PEMT: variants seen among roughly 807,000 people sequenced by gnomAD.
PEMT encodes the protein phospholipid methyltransferase.
In PEMT, 23 loss-of-function variants were observed where a neutral mutation model predicts 27.4. That is an observed-to-expected ratio of 0.84 (90% CI 0.60 to 1.19). The LOEUF is 1.19. PEMT is among the 50% of genes most tolerant of loss of function. PEMT has a pLI of 0.00. For missense variants in PEMT, 307 were observed against 310.1 expected, an observed-to-expected ratio of 0.99 and a Z score of 0.07; for synonymous variants, 137 against 139.1, an observed-to-expected ratio of 0.98 and a Z score of 0.11.
intron 2 of PEMT, among the ~76,000 whole-genome samples, chr17:17,555,371 T>A (rs1310033658): frequency 6.6e-6 from 1 of 152,136 alleles, no homozygotes; most frequent in Admixed American, 6.5e-5. Context: ...CTGTCACAGC[T>A]CAGCCCGGCC....
At chr17:17,564,901 C>CA (rs2142706980) in intron 2 of PEMT, among the ~76,000 whole-genome samples, 1 of 152,308 alleles carries the variant, frequency 6.6e-6, no homozygotes, top group African/African-American at 2.4e-5. Flanking sequence ...GCACTGCACA[C>CA]ACCGGGTGGG....
intron 1 of PEMT, among the ~76,000 whole-genome samples, chr17:17,588,930 A>C (rs139364851): frequency 1.3e-5 from 2 of 152,196 alleles, no homozygotes; most frequent in Non-Finnish European, 2.9e-5. Flanking sequence ...TCCTCACCCT[A>C]ACTCCTCAGC....
intron 2 of PEMT, among the ~76,000 whole-genome samples, chr17:17,553,722 C>T (rs1909839688): frequency 6.6e-6 from 1 of 152,250 alleles, no homozygotes. Flanking sequence ...CCCGGCAGCA[C>T]TTGGCAGTCA....
chr17:17,547,624 T>TG (rs1339770455), intron 2 of PEMT, among the ~76,000 whole-genome samples: 2 of 152,174 alleles, frequency 1.3e-5, no homozygotes, highest in Non-Finnish European at 2.9e-5. Flanking sequence ...CCCCCAGCCC[T>TG]GCCTGTGTGT....
chr17:17,516,026 G>GCC (rs1906798322), intron 3 of PEMT, among the ~76,000 whole-genome samples: 1 of 152,132 alleles, frequency 6.6e-6, no homozygotes, highest in Admixed American at 6.5e-5. Context: ...CCAGGCCAGA[G>GCC]GCACACGGCC....
chr17:17,528,623 G>T (rs569375870), intron 2 of PEMT, among the ~76,000 whole-genome samples: 1 of 152,298 alleles, frequency 6.6e-6, no homozygotes, highest in Non-Finnish European at 1.5e-5. Flanking sequence ...TGAGTGAGAC[G>T]TCCCCGGGGC....
chr17:17,586,007 C>T (rs1912225975), intron 1 of PEMT, among the ~76,000 whole-genome samples: 1 of 148,874 alleles, frequency 6.7e-6, no homozygotes, highest in Admixed American at 6.8e-5. Flanking sequence ...GGCGTGAACC[C>T]GGGAGGTGGA....
chr17:17,560,111 C>T (rs1910366480), intron 2 of PEMT, among the ~76,000 whole-genome samples: 1 of 152,230 alleles, frequency 6.6e-6, no homozygotes, highest in Non-Finnish European at 1.5e-5. Flanking sequence ...TGCACAGCAC[C>T]CCATGTGCTG....
intron 2 of PEMT, among the ~76,000 whole-genome samples, chr17:17,571,385 C>T (rs1911183031): frequency 6.6e-6 from 1 of 151,890 alleles, no homozygotes; most frequent in African/African-American, 2.4e-5. Flanking sequence ...AAGAGAAGGC[C>T]GGGAAAGCCT....
At chr17:17,520,923 G>A (rs933618165) in intron 3 of PEMT, among the ~76,000 whole-genome samples, 13 of 152,394 alleles carry the variant, frequency 8.5e-5, no homozygotes, top group South Asian at 2.1e-4. Context: ...CCTGGCCACG[G>A]AGGGGGAAGG....
Position 17,505,611 on chromosome 17 carries a change from C to A in PEMT, c.*180G>T. 1 of 532,262 alleles carries A rather than the reference C, an allele frequency of 1.9e-6. No homozygotes were observed. 33.0% of individuals were successfully genotyped at this position (532,262 alleles called of 1,614,324 possible). A position where few individuals can be genotyped will look rare whatever the true frequency, so the allele number is the denominator to read the frequency against. Reference sequence around the variant, plus strand: ...GTGAATGGGAATGTGTGGGTTGGAGCTCAATGGCCATATGTCGGCACGTCC... The same window carrying A: ...GTGAATGGGAATGTGTGGGTTGGAGATCAATGGCCATATGTCGGCACGTCC... On this transcript the variant is annotated 3_prime_UTR_variant, in exon 7 of 7. Transcript: ENST00000255389.
chr17:17,572,596 C>G (rs1911283055), intron 2 of PEMT, among the ~76,000 whole-genome samples: 1 of 152,230 alleles, frequency 6.6e-6, no homozygotes, highest in African/African-American at 2.4e-5. Flanking sequence ...CCTTCCCTGA[C>G]CACCACCCCT....
intron 2 of PEMT, among the ~76,000 whole-genome samples, chr17:17,554,520 A>T (rs923999690): frequency 2.6e-5 from 4 of 152,246 alleles, no homozygotes; most frequent in Non-Finnish European, 5.9e-5. Context: ...GTGAGCTGCG[A>T]GCGGCACAGG....
At chr17:17,585,747 T>C (rs1355924092) in intron 1 of PEMT, among the ~76,000 whole-genome samples, 1 of 152,118 alleles carries the variant, frequency 6.6e-6, no homozygotes, top group Admixed American at 6.5e-5. Context: ...TTTAAGTTAT[T>C]AGTTTTTAAA....
At chr17:17,546,232 G>T (rs1909252290) in intron 2 of PEMT, among the ~76,000 whole-genome samples, 1 of 152,204 alleles carries the variant, frequency 6.6e-6, no homozygotes, top group Non-Finnish European at 1.5e-5. Flanking sequence ...GAGAAGAAAG[G>T]AGATGATGGC....
At position 17,561,650 on chromosome 17, in the gene PEMT, A is replaced by T. The variant is rs750651202; in HGVS notation, c.204+15270T>A. Among the ~76,000 whole-genome samples the T allele has an allele frequency of 6.6e-6, 1 of 152,164 alleles. No individual in the cohort carries two copies. The highest frequency in any genetic ancestry group is 1.5e-5 in the Non-Finnish European group (1 of 68,010). Reference sequence around the variant, plus strand: ...GCCTGGGTCACAGATGAGAATACCAAGGCTCGGAGAAGCCAGGAACCTTGC... The same window carrying T: ...GCCTGGGTCACAGATGAGAATACCATGGCTCGGAGAAGCCAGGAACCTTGC... On this transcript the variant is annotated intron_variant, in intron 2 of 6. Coordinates refer to ENST00000255389, the MANE Select transcript of PEMT (RefSeq NM_148172.3). This position sits in a 1 kb window ranked among gnomAD's most constrained non-coding sequence, Gnocchi z 4.5.
At chr17:17,545,858 C>T (rs1215003898) in intron 2 of PEMT, among the ~76,000 whole-genome samples, 1 of 152,174 alleles carries the variant, frequency 6.6e-6, no homozygotes, top group Non-Finnish European at 1.5e-5. Flanking sequence ...GGTTCGTCCT[C>T]TCTACTTTTC....
In PEMT at chr17:17,574,838, G is replaced by A. The variant is rs188545679; in HGVS notation, c.204+2082C>T. On this transcript the variant is annotated intron_variant, in intron 2 of 6. Transcript: ENST00000255389. Reference sequence around the variant, plus strand: ...TGTACCTCAATGACTGCTGGTCAACGTCAGGCCTGCAGGAAGCCAGAGGGC... The same window carrying A: ...TGTACCTCAATGACTGCTGGTCAACATCAGGCCTGCAGGAAGCCAGAGGGC... Among the ~76,000 whole-genome samples, 338 of 152,284 alleles carry A rather than the reference G, an allele frequency of 2.2e-3. 1 individual carries two copies. The highest frequency in any genetic ancestry group is 3.9e-3 in the Non-Finnish European group (262 of 68,020).
chr17:17,534,772 G>A (rs1394151560), intron 2 of PEMT, among the ~76,000 whole-genome samples: 1 of 152,152 alleles, frequency 6.6e-6, no homozygotes, highest in Non-Finnish European at 1.5e-5. Context: ...GGAGTTCAAT[G>A]CTGCAGCACG....
Sources: allele counts gnomAD v4.1 joint callset (sites outside exome capture counted in the v4.1 genomes callset), GRCh38; gene constraint gnomAD v4.1.1; non-coding constraint Gnocchi (gnomAD v3.1); transcripts MANE v1.5; gene names NCBI Gene and HGNC (gene_info 2026-07-23, HGNC 2026-07-21).